C17orf99: variants seen among roughly 807,000 people sequenced by gnomAD.
C17orf99 encodes the protein chromosome 17 open reading frame 99.
A neutral mutation model predicts 22.6 loss-of-function variants in C17orf99; 18 were observed. The ratio of observed to expected loss-of-function variants is 0.80; its 90% CI spans 0.55 to 1.18. The LOEUF (loss-of-function observed/expected upper bound fraction) is 1.18, where lower values mean the gene tolerates loss of function less well. Ranked by LOEUF, C17orf99 falls within the 50% of genes most tolerant of loss-of-function variation. The pLI is 0.00. For missense variants in C17orf99, 328 were observed against 342.7 expected (o/e 0.96, Z 0.34); for synonymous variants, 147 against 136.6 (o/e 1.08, Z -0.53).
At chr17:78,154,694 T>C (rs892936278) in intron 2 of C17orf99, among the ~76,000 whole-genome samples, 1 of 151,656 alleles carries the variant, frequency 6.6e-6, no homozygotes, top group Non-Finnish European at 1.5e-5. Flanking sequence ...AATACAAAAT[T>C]AGCCAGGCAT....
Position 78,166,099 on chromosome 17 carries a change from G to A in C17orf99, c.*53G>A. ...GCAGAGGACTGCAGGCCATCAGCGT[G>A]CACTGTTCGTATTTGGAGTTCATGC... On this transcript the variant is annotated 3_prime_UTR_variant, in exon 5 of 5. Transcript: ENST00000340363. The A allele has an allele frequency of 1.1e-5, 6 of 528,134 alleles. No homozygotes were observed. The highest frequency in any genetic ancestry group is 1.8e-5 in the Non-Finnish European group (6 of 341,560). The allele number at this position is 528,134 out of a possible 1,614,324, so 32.7% of individuals were successfully genotyped here.
chr17:78,163,977 G>C lies in C17orf99; in HGVS notation c.371-118G>C. 8.0e-6 allele frequency: 7 copies of C among 876,280 alleles called. No individual in the cohort carries two copies. The South Asian group carries it at 1.0e-4, about 13-fold the overall frequency. The allele number at this position is 876,280 out of a possible 1,614,324, so 54.3% of individuals were successfully genotyped here. On this transcript the variant is annotated intron_variant, in intron 3 of 4. Coordinates refer to ENST00000340363, the MANE Select transcript of C17orf99 (RefSeq NM_001163075.2). The stretch of plus-strand genomic sequence containing the variant: ...AGGGCAAACTCTAGAAGGCGGCCTG[G>C]AGGAGGCGGCAGCCACAGCTAAGCT...
At chr17:78,164,997 G>A in intron 4 of C17orf99, 1 of 1,100,212 alleles carries the variant, frequency 9.1e-7, no homozygotes, top group Admixed American at 5.1e-5. Flanking sequence ...GATGCCTCCA[G>A]GAGACCAAGG....
Position 78,164,332 on chromosome 17 carries a change from T to C in C17orf99, c.608T>C (p.Val203Ala). ...TGCCAGGCTGCAAACAACGCCAATGTCCAGCACAGCGCCCTCACAGTGGTG... is the reference window on the plus strand; with the variant it reads ...TGCCAGGCTGCAAACAACGCCAATGCCCAGCACAGCGCCCTCACAGTGGTG... ...FWCQAANNAN[V>A]QHSALTVVPP... Residue 203 changes from valine (V) to alanine (A), a missense_variant, in exon 4 of 5, where the codon GTC (valine) becomes GCC (alanine). Val to Ala is a moderately conservative substitution (Grantham distance 64). Transcript: ENST00000340363. 2 of 1,551,544 alleles carry C rather than the reference T, an allele frequency of 1.3e-6. No homozygotes were observed. The highest frequency in any genetic ancestry group is 1.7e-6 in the Non-Finnish European group (2 of 1,146,990).
intron 2 of C17orf99, among the ~76,000 whole-genome samples, chr17:78,148,228 AAAAAG>A (rs71360609): frequency 6.6e-6 from 1 of 151,504 alleles, no homozygotes; most frequent in Non-Finnish European, 1.5e-5. Flanking sequence ...TTAAAAAAAA[AAAAAG>A]AAAATGGCTC....
intron 2 of C17orf99, among the ~76,000 whole-genome samples, chr17:78,150,205 T>C (rs2075470614): frequency 1.3e-5 from 2 of 151,732 alleles, no homozygotes; most frequent in East Asian, 3.9e-4. Context: ...GACAGGGTTT[T>C]GCTGTGTTTG....
intron 2 of C17orf99, among the ~76,000 whole-genome samples, chr17:78,157,061 G>A (rs2075531162): frequency 1.3e-5 from 2 of 152,040 alleles, no homozygotes; most frequent in East Asian, 1.9e-4. Flanking sequence ...CGTGCACGGT[G>A]GCTCACGCTT....
intron 2 of C17orf99, among the ~76,000 whole-genome samples, chr17:78,152,891 G>A (rs553328682): frequency 5.5e-4 from 83 of 151,910 alleles, no homozygotes; most frequent in Non-Finnish European, 9.1e-4. Flanking sequence ...AGACCAGCCT[G>A]GCCAACATGG....
At chr17:78,150,642 T>C (rs1396948254) in intron 2 of C17orf99, among the ~76,000 whole-genome samples, 1 of 152,150 alleles carries the variant, frequency 6.6e-6, no homozygotes, top group Non-Finnish European at 1.5e-5. Flanking sequence ...AAGAAGGTGT[T>C]GTCCCCCTTT....
At chr17:78,162,298 C>T (rs1427037864) in intron 3 of C17orf99, among the ~76,000 whole-genome samples, 1 of 151,086 alleles carries the variant, frequency 6.6e-6, no homozygotes, top group Non-Finnish European at 1.5e-5. Flanking sequence ...AAAAAAGTCG[C>T]CCCAGGCCAC....
chr17:78,150,005 G>A (rs542274499), intron 2 of C17orf99, among the ~76,000 whole-genome samples: 108 of 150,090 alleles, frequency 7.2e-4, no homozygotes, highest in African/African-American at 2.5e-3. Context: ...CACCACGCCC[G>A]GAAGCTAATT....
At chr17:78,149,365 G>T (rs550588001) in intron 2 of C17orf99, among the ~76,000 whole-genome samples, 33 of 138,326 alleles carry the variant, frequency 2.4e-4, no homozygotes, top group South Asian at 1.7e-3. Flanking sequence ...AAAAAAAGGC[G>T]CCAGTCCTTG....
intron 4 of C17orf99, chr17:78,165,310 C>T (rs1161948428): frequency 5.8e-5 from 57 of 985,776 alleles, no homozygotes; most frequent in Non-Finnish European, 6.7e-5. Context: ...GTGGCTCTAC[C>T]AGGAGTCTGT....
chr17:78,155,138 T>G (rs199919010), intron 2 of C17orf99, among the ~76,000 whole-genome samples: 39,781 of 150,908 alleles, frequency 0.26, 5,861 homozygotes, highest in Middle Eastern at 0.46. Context: ...TTTTTTTTTT[T>G]TTTTTGTGGA....
chr17:78,146,939 A>G lies in C17orf99; in HGVS notation c.70+28A>G. ...AAGTGGCATAGCCTGCTGCAGGGAG[A>G]AGTCCCCCAGCTGGGACCCTGGTGT... On this transcript the variant is annotated intron_variant, in intron 2 of 4. Transcript: ENST00000340363. The surrounding 1 kb of genome is among the most constrained non-coding windows in gnomAD (Gnocchi z 5.2). The G allele has an allele frequency of 6.5e-7, 1 of 1,548,894 alleles. No individual in the cohort carries two copies. Among genetic ancestry groups the G allele is most frequent in the Non-Finnish European group, 8.7e-7 (1 of 1,144,592 alleles).
chr17:78,157,981 G>T, intron 2 of C17orf99: 1 of 1,277,398 alleles, frequency 7.8e-7, no homozygotes, highest in Admixed American at 1.8e-5. Context: ...CTCATAACAT[G>T]GATGTCCCCA....
rs935324866 is a variant in C17orf99 at position 78,165,113 on chromosome 17, T to A, written c.640+749T>A. 5 of 1,042,928 alleles carry A rather than the reference T, an allele frequency of 4.8e-6. No homozygotes were observed. In the African/African-American group the frequency reaches 8.7e-5, roughly 18 times the overall value. 64.6% of individuals were successfully genotyped at this position (1,042,928 alleles called of 1,614,324 possible). Reference sequence around the variant, plus strand: ...TCCCAGGGTCCCCTCTCCAAGGCCATGGCTTTACTAACATGTAAAGTGACC... The same window carrying A: ...TCCCAGGGTCCCCTCTCCAAGGCCAAGGCTTTACTAACATGTAAAGTGACC... On this transcript the variant is annotated intron_variant, in intron 4 of 4. Coordinates refer to ENST00000340363, the MANE Select transcript of C17orf99 (RefSeq NM_001163075.2).
chr17:78,148,443 T>C (rs2145767708), intron 2 of C17orf99, among the ~76,000 whole-genome samples: 1 of 151,922 alleles, frequency 6.6e-6, no homozygotes, highest in South Asian at 2.1e-4. Context: ...GTGGGAGGAT[T>C]GCTTGTCCGG....
At chr17:78,163,592 C>T (rs918824517) in intron 3 of C17orf99, among the ~76,000 whole-genome samples, 2 of 152,186 alleles carry the variant, frequency 1.3e-5, no homozygotes, top group Non-Finnish European at 2.9e-5. Flanking sequence ...CCAGGCCGGG[C>T]ACGGTGGCTC....
Sources: gnomAD v4.1 joint callset for allele counts (sites outside exome capture counted in the v4.1 genomes callset) on GRCh38, gnomAD v4.1.1 for gene constraint, Gnocchi (gnomAD v3.1) non-coding constraint, MANE v1.5 for transcripts, NCBI Gene and HGNC (gene_info 2026-07-23, HGNC 2026-07-21) for gene names.